The following SCN1A variants were observed in gnomAD, a reference collection of about 807,000 sequenced individuals.
SCN1A encodes sodium channel protein type 1 subunit alpha.
SCN1A carries 13 observed loss-of-function variants against 193.7 expected under a neutral mutation model. The ratio of observed to expected loss-of-function variants is 0.07; its 90% CI spans 0.04 to 0.11. The LOEUF (loss-of-function observed/expected upper bound fraction) is 0.11. Ranked by LOEUF, SCN1A falls within the 10% of genes least tolerant of loss-of-function variation. SCN1A has a pLI of 1.00. For missense variants in SCN1A, 1,432 were observed against 2,451.1 expected, an observed-to-expected ratio of 0.58 and a Z score of 8.78; for synonymous variants, 781 against 843.6, an observed-to-expected ratio of 0.93 and a Z score of 1.29.
intron 19 of SCN1A, among the ~76,000 whole-genome samples, chr2:166,022,416 G>A (rs13406476): frequency 6.6e-6 from 1 of 152,066 alleles, no homozygotes; most frequent in Non-Finnish European, 1.5e-5. Flanking sequence ...CAAGTGAAGA[G>A]ACAGTATCTT....
At chr2:166,131,891 G>A (rs560073176), upstream of SCN1A, among the ~76,000 whole-genome samples, 1 of 152,270 alleles carries the variant, frequency 6.6e-6, no homozygotes, top group East Asian at 1.9e-4. Context: ...CCAAAGTGAT[G>A]ACCAAATCAT....
intron 19 of SCN1A, among the ~76,000 whole-genome samples, chr2:166,023,704 TA>T (rs913388015): frequency 6.6e-6 from 1 of 151,416 alleles, no homozygotes; most frequent in African/African-American, 2.4e-5. Context: ...GGACTGTGGC[TA>T]AAAAAGTCCT....
rs924277315 is a variant in SCN1A at position 166,012,288 on chromosome 2, A to G, written c.3706-6T>C. The G allele has an allele frequency of 6.2e-7, 1 of 1,601,112 alleles. No homozygotes were observed. The highest frequency in any genetic ancestry group is 1.3e-5 in the African/African-American group (1 of 74,538). ...ATATATATATCTTCAAATGCCTATA[A>G]AGAAAATGTTACACATTATTAGCTT... On this transcript the variant is annotated splice_polypyrimidine_tract_variant and splice_region_variant and intron_variant, in intron 21 of 28. Transcript: ENST00000674923.
chr2:166,090,934 C>T (rs1686737127), intron 2 of SCN1A, among the ~76,000 whole-genome samples: 1 of 152,074 alleles, frequency 6.6e-6, no homozygotes, highest in Non-Finnish European at 1.5e-5. Context: ...CACGATTTAC[C>T]CAAGTGATTT....
intron 2 of SCN1A, among the ~76,000 whole-genome samples, chr2:166,084,705 G>GT (rs1685914649): frequency 6.6e-6 from 1 of 152,102 alleles, no homozygotes; most frequent in East Asian, 1.9e-4. Context: ...ATAATGCAGT[G>GT]TTTTCAGTGT....
At chr2:166,033,550 A>G (rs984315847) in intron 19 of SCN1A, among the ~76,000 whole-genome samples, 1 of 152,146 alleles carries the variant, frequency 6.6e-6, no homozygotes, top group African/African-American at 2.4e-5. Context: ...CTCAAGTCTA[A>G]CTAAACTATG....
chr2:166,005,482 T>C (rs1691531854), intron 23 of SCN1A, among the ~76,000 whole-genome samples: 1 of 151,354 alleles, frequency 6.6e-6, no homozygotes, highest in South Asian at 2.1e-4. Context: ...TCTGCAGCAG[T>C]GCACTTCAGG....
chr2:166,122,991 T>C (rs1690775859), intron 2 of SCN1A, among the ~76,000 whole-genome samples: 1 of 152,058 alleles, frequency 6.6e-6, no homozygotes, highest in Non-Finnish European at 1.5e-5. Flanking sequence ...AATGTCAGGT[T>C]GATTCTAAGT....
intron 2 of SCN1A, chr2:166,092,689 G>T (rs1309839383): frequency 1.3e-5 from 2 of 152,054 alleles, no homozygotes; most frequent in African/African-American, 4.8e-5. Context: ...TTCTTACATG[G>T]AGATTTATTT....
chr2:166,115,035 A>G (rs1207606127), intron 2 of SCN1A, among the ~76,000 whole-genome samples: 1 of 152,146 alleles, frequency 6.6e-6, no homozygotes, highest in Non-Finnish European at 1.5e-5. Context: ...TACTTGAATA[A>G]TTTGCTAATA....
chr2:166,113,907 GT>G (rs1405251653), intron 2 of SCN1A, among the ~76,000 whole-genome samples: 1 of 152,072 alleles, frequency 6.6e-6, no homozygotes, highest in Non-Finnish European at 1.5e-5. Context: ...AATTAAAATT[GT>G]TTTTCACACT....
At position 166,054,654 on chromosome 2, in the gene SCN1A, T is replaced by C; in HGVS notation, c.586A>G (p.Thr196Ala). ...GGCACTTACGCAAATGTAATGACAGTGAAATCGAGCCAGTTCCATGGATCC... is the reference window on the plus strand; with the variant it reads ...GGCACTTACGCAAATGTAATGACAGCGAAATCGAGCCAGTTCCATGGATCC... The part of the protein sequence containing the change: ...LRDPWNWLDF[T>A]VITFAYVTEF... The change falls in exon 7 of 29, where the codon ACT (threonine) becomes GCT (alanine). Residue 196 changes from threonine to alanine, a missense_variant. Thr to Ala is a moderately conservative substitution (Grantham distance 58). This residue lies in a region of SCN1A where 123 missense variants were observed against 282.8 expected (regional missense o/e 0.43). Coordinates refer to ENST00000674923, the MANE Select transcript of SCN1A (RefSeq NM_001165963.4). The C allele has an allele frequency of 6.2e-7, 1 of 1,612,272 alleles. No individual in the cohort carries two copies. The highest frequency in any genetic ancestry group is 1.1e-5 in the South Asian group (1 of 91,048).
At position 166,042,300 on chromosome 2, in the gene SCN1A, G is replaced by A; in HGVS notation, c.2168C>T (p.Thr723Ile). The A allele has an allele frequency of 6.2e-7, 1 of 1,613,746 alleles. No individual in the cohort carries two copies. Among genetic ancestry groups the A allele is most frequent in the Non-Finnish European group, 8.5e-7 (1 of 1,179,786 alleles). Reference sequence around the variant, plus strand: ...TAGAATTTGTTACCAACCTTCTACTGTATTTGTTAGAATGCTGGCTATACT... The same window carrying A: ...TAGAATTTGTTACCAACCTTCTACTATATTTGTTAGAATGCTGGCTATACT... ...AMSIASILTN[T>I]VEELEESRQK... The change falls in exon 15 of 29, where the codon ACA becomes ATA. Residue 723 changes from threonine (T) to isoleucine (I), a missense_variant. Coordinates refer to ENST00000674923, the MANE Select transcript of SCN1A (RefSeq NM_001165963.4).
intron 19 of SCN1A, among the ~76,000 whole-genome samples, chr2:166,024,589 TG>T (rs1468874116): frequency 2.0e-5 from 3 of 152,242 alleles, no homozygotes; most frequent in Non-Finnish European, 4.4e-5. Flanking sequence ...TTAACTTATT[TG>T]ATAACAATTA....
Position 165,991,283 on chromosome 2 carries a change from C to G in SCN1A, c.5992G>C (p.Glu1998Gln), listed in dbSNP as rs886055041. The G allele has an allele frequency of 1.2e-6, 2 of 1,613,542 alleles. No homozygotes were observed. The highest frequency in any genetic ancestry group is 1.7e-5 in the Admixed American group (1 of 59,910). ...RVTKPIVEKH[E>Q]QEGKDEKAKG... ...GCTTTTTCATCTTTGCCTTCTTGCT[C>G]ATGTTTTTCCACAATTGGCTTTGTC... Residue 1998 changes from glutamate to glutamine, a missense_variant, in exon 29 of 29, where the codon GAG becomes CAG. This residue lies in a region of SCN1A where 148 missense variants were observed against 160.3 expected (regional missense o/e 0.92). Coordinates refer to ENST00000674923, the MANE Select transcript of SCN1A (RefSeq NM_001165963.4).
At chr2:166,035,868 G>T (rs748014634) in intron 19 of SCN1A, among the ~76,000 whole-genome samples, 180 bp downstream of exon 19, 1 of 151,712 alleles carries the variant, frequency 6.6e-6, no homozygotes, top group Admixed American at 6.6e-5. Context: ...CCTGGGAAAA[G>T]ATCAAAATTC....
chr2:166,088,056 TTGTGTGTGTG>T (rs10525602), intron 2 of SCN1A, among the ~76,000 whole-genome samples: 17 of 146,840 alleles, frequency 1.2e-4, no homozygotes, highest in African/African-American at 3.3e-4. Flanking sequence ...ATCTGTGTGT[TTGTGTGTGTG>T]TGTGTGTGTG....
chr2:166,023,309 AC>A (rs1217631848), intron 19 of SCN1A, among the ~76,000 whole-genome samples: 4 of 152,262 alleles, frequency 2.6e-5, no homozygotes, highest in Non-Finnish European at 5.9e-5. Context: ...AGTGGAGCCA[AC>A]AACCTTATTT....
chr2:166,088,056 T>TTGTGTGTG (rs10525602), intron 2 of SCN1A, among the ~76,000 whole-genome samples: 1 of 146,742 alleles, frequency 6.8e-6, no homozygotes, highest in Admixed American at 6.8e-5. Flanking sequence ...ATCTGTGTGT[T>TTGTGTGTG]TGTGTGTGTG....
Sources: allele counts gnomAD v4.1 joint callset (sites outside exome capture counted in the v4.1 genomes callset), GRCh38; gene constraint gnomAD v4.1.1; regional missense constraint gnomAD v4.1.1; transcripts MANE v1.5; gene names NCBI Gene and HGNC (gene_info 2026-07-23, HGNC 2026-07-21).